CDKN2B-AS1: variants seen among roughly 807,000 people sequenced by gnomAD.
CDKN2B-AS1 encodes CDKN2B and CDKN2A antisense cis and trans regulatory RNA 1.
chr9:22,053,534 C>T (rs1210193033), intron 3 of CDKN2B-AS1, among the ~76,000 whole-genome samples: 1 of 152,170 alleles, frequency 6.6e-6, no homozygotes, highest in African/African-American at 2.4e-5. Context: ...AGTTTTGGCC[C>T]TGACTATGTG....
At chr9:22,127,863 T>G (rs1455973967) in exon 5 of CDKN2B-AS1, among the ~76,000 whole-genome samples, 2 of 152,204 alleles carry the variant, frequency 1.3e-5, no homozygotes, top group East Asian at 3.8e-4. Context: ...TTGAAGTGAA[T>G]GCAAATTTCT....
At chr9:22,069,477 C>T (rs1824198993) in intron 4 of CDKN2B-AS1, among the ~76,000 whole-genome samples, 2 of 152,024 alleles carry the variant, frequency 1.3e-5, no homozygotes, top group African/African-American at 2.4e-5. Context: ...GAGAGATATA[C>T]GATTGTATAA....
At chr9:22,040,608 T>G (rs1403547702) in intron 1 of CDKN2B-AS1, among the ~76,000 whole-genome samples, 1 of 151,974 alleles carries the variant, frequency 6.6e-6, no homozygotes, top group Non-Finnish European at 1.5e-5. Context: ...TTCCATCTTC[T>G]GAGGAATGAA....
At chr9:22,091,741 C>T (rs1478232102) in intron 4 of CDKN2B-AS1, among the ~76,000 whole-genome samples, 2 of 152,174 alleles carry the variant, frequency 1.3e-5, no homozygotes, top group Non-Finnish European at 2.9e-5. Context: ...ATGGGGTTTT[C>T]TAGATATACA....
intron 4 of CDKN2B-AS1, among the ~76,000 whole-genome samples, chr9:22,095,452 A>T (rs1825241291): frequency 6.8e-6 from 1 of 146,968 alleles, no homozygotes; most frequent in Non-Finnish European, 1.5e-5. Context: ...GGTCTGAGAG[A>T]CAGTTTGTTA....
intron 1 of CDKN2B-AS1, among the ~76,000 whole-genome samples, chr9:22,023,674 T>A (rs1238568216): frequency 6.6e-6 from 1 of 152,072 alleles, no homozygotes; most frequent in African/African-American, 2.4e-5. Context: ...ACCTGGGAGA[T>A]GAAGGTTGCA....
At chr9:22,087,230 G>T (rs915942644) in intron 4 of CDKN2B-AS1, among the ~76,000 whole-genome samples, 3 of 152,184 alleles carry the variant, frequency 2.0e-5, no homozygotes, top group African/African-American at 7.2e-5. Flanking sequence ...CCTTGAAGGG[G>T]ACCAAAAAGT....
chr9:22,007,872 A>G (rs1055237466), intron 1 of CDKN2B-AS1, among the ~76,000 whole-genome samples: 2 of 152,208 alleles, frequency 1.3e-5, no homozygotes, highest in Non-Finnish European at 2.9e-5. Context: ...CTCATTTGTT[A>G]TACCATTATT....
chr9:22,061,849 T>C (rs1294890163), intron 4 of CDKN2B-AS1: 1 of 152,064 alleles, frequency 6.6e-6, no homozygotes, highest in East Asian at 1.9e-4. Context: ...TATAAATCTA[T>C]ATATCTATAT....
chr9:22,112,265 C>G (rs1028228225), intron 4 of CDKN2B-AS1: 1 of 152,280 alleles, frequency 6.6e-6, no homozygotes, highest in African/African-American at 2.4e-5. Flanking sequence ...GGATCTCTCT[C>G]CAACTCTTGC....
intron 4 of CDKN2B-AS1, among the ~76,000 whole-genome samples, chr9:22,091,010 AT>A (rs1563975320): frequency 6.6e-6 from 1 of 152,136 alleles, no homozygotes; most frequent in African/African-American, 2.4e-5. Context: ...TGTATAAGGT[AT>A]AAGGAAAGGA....
chr9:22,029,748 G>T, intron 1 of CDKN2B-AS1: 1 of 389,750 alleles, frequency 2.6e-6, no homozygotes. Context: ...CCATTTTCAT[G>T]TGTTTATTCT....
intron 4 of CDKN2B-AS1, among the ~76,000 whole-genome samples, chr9:22,082,369 C>A (rs1824728756): frequency 6.6e-6 from 1 of 152,164 alleles, no homozygotes; most frequent in Non-Finnish European, 1.5e-5. Context: ...GCTCACTATT[C>A]ACATCAATCT....
chr9:22,091,674 T>G (rs141546182), intron 4 of CDKN2B-AS1, among the ~76,000 whole-genome samples: 3,514 of 152,242 alleles, frequency 0.023, 69 homozygotes, highest in African/African-American at 0.048. Context: ...CATTGATTTT[T>G]TATCCTGAGA....
At chr9:22,074,177 A>G (rs1351556141) in intron 4 of CDKN2B-AS1, among the ~76,000 whole-genome samples, 1 of 152,204 alleles carries the variant, frequency 6.6e-6, no homozygotes, top group African/African-American at 2.4e-5. Context: ...GAGGATTTCA[A>G]TAAAATTTGA....
chr9:22,114,683 A>C (rs1825898813), intron 4 of CDKN2B-AS1, among the ~76,000 whole-genome samples: 2 of 152,224 alleles, frequency 1.3e-5, no homozygotes, highest in African/African-American at 2.4e-5. Context: ...CAGCCATAGA[A>C]AGCATGGACT....
At chr9:22,126,812 T>C (rs1349327197) in intron 4 of CDKN2B-AS1, among the ~76,000 whole-genome samples, 1 of 152,162 alleles carries the variant, frequency 6.6e-6, no homozygotes, top group Non-Finnish European at 1.5e-5. Flanking sequence ...GACCTCGTGA[T>C]CAGCCCGCCT....
Position 22,026,756 on chromosome 9 carries a change from G to T in CDKN2B-AS1, n.30-19995G>T, listed in dbSNP as rs1822257506. Among the ~76,000 whole-genome samples the T allele has an allele frequency of 2.6e-5, 4 of 152,214 alleles. No individual in the cohort carries two copies. In the South Asian group the frequency reaches 8.3e-4, roughly 32 times the overall value. ...CTTTTGCCCAGACACCCAGAAAGCT[G>T]GAGTAGCTAAAGCTCTTGGGTCTCC... On this transcript the variant is annotated intron_variant and non_coding_transcript_variant, in intron 1 of 4. Transcript: ENST00000650946.
intron 4 of CDKN2B-AS1, among the ~76,000 whole-genome samples, chr9:22,098,260 A>G (rs925571507): frequency 1.3e-5 from 2 of 151,298 alleles, no homozygotes; most frequent in African/African-American, 4.8e-5. Flanking sequence ...ATATGTGTAT[A>G]TGTATTTATA....
Sources: allele counts gnomAD v4.1 joint callset (sites outside exome capture counted in the v4.1 genomes callset), GRCh38; gene constraint gnomAD v4.1.1; transcripts MANE v1.5; gene names NCBI Gene and HGNC (gene_info 2026-07-23, HGNC 2026-07-21).